The following HMGXB3 variants were observed in gnomAD, a reference collection of about 807,000 sequenced individuals.
HMGXB3 encodes the protein HMG domain-containing protein 3.
HMGXB3 carries 45 observed loss-of-function variants against 121.5 expected under a neutral mutation model. The ratio of observed to expected loss-of-function variants is 0.37; its 90% CI spans 0.29 to 0.47. The LOEUF is 0.47. Among genes scored for constraint, HMGXB3 ranks in the 20% least tolerant of loss-of-function variants. The probability of loss-of-function intolerance (pLI) is 0.99; values close to 1 mark genes in which losing one functional copy is unlikely to be tolerated. For missense variants in HMGXB3, 1,376 were observed against 1,602.2 expected (o/e 0.86, Z 2.41); for synonymous variants, 590 against 624.1 (o/e 0.95, Z 0.81).
chr5:150,050,703 A>G (rs1756869832), intron 19 of HMGXB3, among the ~76,000 whole-genome samples: 1 of 151,978 alleles, frequency 6.6e-6, no homozygotes, highest in African/African-American at 2.4e-5. Flanking sequence ...CCGTTCTCAA[A>G]CTCCTGGGCT....
chr5:150,010,784 A>C (rs1331662839), intron 4 of HMGXB3, among the ~76,000 whole-genome samples, 176 bp downstream of exon 4: 1 of 152,180 alleles, frequency 6.6e-6, no homozygotes, highest in African/African-American at 2.4e-5. Context: ...AGTTCCTTGA[A>C]ATTTCTCAGG....
chr5:150,048,655 T>C lies in HMGXB3; in HGVS notation c.3171T>C (p.Gly1057=). Residue 1057 remains glycine (G), a synonymous_variant, in exon 18 of 20, where the codon GGT becomes GGC. Coordinates refer to ENST00000502717, the MANE Select transcript of HMGXB3 (RefSeq NM_014983.3). ...RAIRPPRHFT[G]GKIYKVCPHQ... ...TACGGCCCCCACGTCACTTCACAGG[T>C]GGTAAAATCTACAAGGTGTGCCCCC... is the stretch of plus-strand genomic sequence containing the variant. 2 of 1,551,418 alleles carry C rather than the reference T, an allele frequency of 1.3e-6. No individual in the cohort carries two copies. The highest frequency in any genetic ancestry group is 1.7e-6 in the Non-Finnish European group (2 of 1,146,706).
intron 6 of HMGXB3, among the ~76,000 whole-genome samples, chr5:150,020,443 A>G (rs909456303): frequency 6.6e-6 from 1 of 152,240 alleles, no homozygotes; most frequent in East Asian, 1.9e-4. Flanking sequence ...TCAAATGACC[A>G]TATTTCCTGT....
At position 150,052,083 on chromosome 5, in the gene HMGXB3, C is replaced by G. The variant is rs552565646; in HGVS notation, c.3770C>G (p.Pro1257Arg). ...QIHDIVQSCQ[P>R]GEVVIRDTLY... ...CATGACATTGTACAGAGCTGCCAGC[C>G]TGGTGAGGTGGTCATTCGTGACACC... is the stretch of plus-strand genomic sequence containing the variant. The change falls in exon 20 of 20, where the codon CCT becomes CGT. Residue 1257 changes from proline (P) to arginine (R), a missense_variant. This residue lies in a region of HMGXB3 where 260 missense variants were observed against 233.2 expected (regional missense o/e 1.11). Coordinates refer to ENST00000502717, the MANE Select transcript of HMGXB3 (RefSeq NM_014983.3). The G allele has an allele frequency of 1.3e-6, 2 of 1,551,892 alleles. No individual in the cohort carries two copies. The highest frequency in any genetic ancestry group is 1.2e-5 in the South Asian group (1 of 84,066).
At chr5:150,029,783 G>A (rs1475043732) in intron 9 of HMGXB3, among the ~76,000 whole-genome samples, 1 of 152,146 alleles carries the variant, frequency 6.6e-6, no homozygotes, top group African/African-American at 2.4e-5. Flanking sequence ...TTTTACATTT[G>A]CCCTGACAGG....
intron 16 of HMGXB3, among the ~76,000 whole-genome samples, chr5:150,047,282 G>A (rs1237261560): frequency 2.0e-5 from 3 of 152,094 alleles, no homozygotes; most frequent in African/African-American, 4.8e-5. Flanking sequence ...CTTTTAAACC[G>A]AGAGCTGCTG....
At chr5:150,016,900 T>A (rs976273649) in intron 5 of HMGXB3, among the ~76,000 whole-genome samples, 3 of 152,216 alleles carry the variant, frequency 2.0e-5, no homozygotes, top group Admixed American at 6.5e-5. Flanking sequence ...AGTAGTTTCT[T>A]TAGGGCTAAA....
Position 150,041,795 on chromosome 5 carries a change from G to T in HMGXB3, c.2556G>T (p.Leu852=). 1 of 1,551,260 alleles carries T rather than the reference G, an allele frequency of 6.4e-7. No homozygotes were observed. Among genetic ancestry groups the T allele is most frequent in the South Asian group, 1.2e-5 (1 of 83,994 alleles). Residue 852 remains leucine (L), a synonymous_variant, in exon 15 of 20, where the codon CTG becomes CTT. Coordinates refer to ENST00000502717, the MANE Select transcript of HMGXB3 (RefSeq NM_014983.3). The part of the protein sequence containing the change: ...KSVQEQTEKT[L]TSEELSQLQE... ...TTGCTCTTCTTTCAGAGAAGACTCTGACCTCGGAGGAGCTGAGCCAGCTGC... is the reference window on the plus strand; with the variant it reads ...TTGCTCTTCTTTCAGAGAAGACTCTTACCTCGGAGGAGCTGAGCCAGCTGC...
At chr5:150,051,615 T>A (rs7718213) in intron 19 of HMGXB3, 110 bp from the exon 20 acceptor site, 56,223 of 847,498 alleles carry the variant, frequency 0.066, 3,360 homozygotes, top group African/African-American at 0.27. Context: ...CAGTACATGG[T>A]GATGTTAGGA....
intron 13 of HMGXB3, among the ~76,000 whole-genome samples, chr5:150,039,417 A>G (rs185214781): frequency 6.6e-6 from 1 of 151,846 alleles, no homozygotes; most frequent in Non-Finnish European, 1.5e-5. Flanking sequence ...CTAGCTATTC[A>G]TTGCTAGTAT....
At chr5:150,012,445 C>G (rs1309729925) in intron 5 of HMGXB3, 92 bp downstream of exon 5, 3 of 846,958 alleles carry the variant, frequency 3.5e-6, no homozygotes, top group Non-Finnish European at 5.9e-6. Context: ...TCTGAGCTAC[C>G]AGTTGTAGGA....
chr5:150,050,384 C>T lies in HMGXB3; in HGVS notation c.3334C>T (p.Leu1112Phe). The part of the protein sequence containing the change: ...MATSVALCAD[L>F]CYPELTNQMW... The stretch of plus-strand genomic sequence containing the variant: ...CACGTCAGTGGCCCTGTGTGCTGAC[C>T]TCTGCTACCCAGAGCTGACTAACCA... The change falls in exon 19 of 20, where the codon CTC becomes TTC. Residue 1112 changes from leucine to phenylalanine, a missense_variant. Transcript: ENST00000502717. 1 of 1,551,776 alleles carries T rather than the reference C, an allele frequency of 6.4e-7. No homozygotes were observed.
At chr5:150,013,769 G>A (rs183220016) in intron 5 of HMGXB3, among the ~76,000 whole-genome samples, 17 of 152,252 alleles carry the variant, frequency 1.1e-4, no homozygotes, top group Non-Finnish European at 2.5e-4. Flanking sequence ...TTTCATTTAG[G>A]CTGTTAAATT....
chr5:150,048,284 C>A (rs1189322725), intron 17 of HMGXB3, among the ~76,000 whole-genome samples: 11 of 152,182 alleles, frequency 7.2e-5, no homozygotes, highest in Admixed American at 7.2e-4. Context: ...TGTTAGCTCC[C>A]CTTTGATGGT....
At chr5:150,042,484 C>G (rs1329496035) in intron 15 of HMGXB3, among the ~76,000 whole-genome samples, 3 of 152,100 alleles carry the variant, frequency 2.0e-5, no homozygotes, top group African/African-American at 4.8e-5. Flanking sequence ...GATCTGAAAC[C>G]CATGTGGCTT....
intron 5 of HMGXB3, among the ~76,000 whole-genome samples, chr5:150,014,593 C>G (rs1755919936): frequency 1.3e-5 from 2 of 152,122 alleles, no homozygotes; most frequent in Admixed American, 6.5e-5. Context: ...GTTCTCTTAC[C>G]CAGGTACACA....
At chr5:150,018,415 G>T in intron 5 of HMGXB3, 151 bp from the exon 6 acceptor site, 1 of 540,342 alleles carries the variant, frequency 1.9e-6, no homozygotes. Context: ...TTGTTGTATT[G>T]TAGGACCTTT....
At chr5:150,045,765 C>T (rs1243406324) in intron 16 of HMGXB3, 80 bp downstream of exon 16, 3 of 1,158,952 alleles carry the variant, frequency 2.6e-6, no homozygotes, top group Non-Finnish European at 2.5e-6. Flanking sequence ...CAAGATAGCA[C>T]AGTGGTAGCG....
chr5:150,047,637 C>T lies in HMGXB3; in HGVS notation c.2964C>T (p.Ala988=), dbSNP rs1756790100. The T allele has an allele frequency of 6.4e-7, 1 of 1,551,530 alleles. No homozygotes were observed. Among genetic ancestry groups the T allele is most frequent in the Admixed American group, 2.0e-5 (1 of 50,974 alleles). Residue 988 remains alanine (A), a synonymous_variant, in exon 17 of 20, where the codon GCC becomes GCT. Coordinates refer to ENST00000502717, the MANE Select transcript of HMGXB3 (RefSeq NM_014983.3). The stretch of plus-strand genomic sequence containing the variant: ...TGTCTCTTGCAGGCAGTGGCAGTGC[C>T]TTGGTGAGGCTGCTCCAGGAGGGCA... ...DVQPVPGSGS[A]LVRLLQEGTC...
Sources: allele counts gnomAD v4.1 joint callset (sites outside exome capture counted in the v4.1 genomes callset), GRCh38; gene constraint gnomAD v4.1.1; regional missense constraint gnomAD v4.1.1; transcripts MANE v1.5; gene names NCBI Gene and HGNC (gene_info 2026-07-23, HGNC 2026-07-21).